LATS1: variants seen among roughly 807,000 people sequenced by gnomAD.
LATS1 encodes serine/threonine-protein kinase LATS1.
Under a neutral mutation model 106.6 loss-of-function variants are expected in LATS1, and 25 were observed. The ratio of observed to expected loss-of-function variants is 0.23; its 90% CI spans 0.17 to 0.33. LATS1 has a LOEUF of 0.33. Among genes scored for constraint, LATS1 ranks in the 10% least tolerant of loss-of-function variants. The pLI is 1.00. For missense variants in LATS1, 1,040 were observed against 1,382.6 expected (o/e 0.75, Z 3.93); for synonymous variants, 465 against 455.6 (o/e 1.02, Z -0.26).
intron 3 of LATS1, among the ~76,000 whole-genome samples, chr6:149,690,876 T>C (rs1782706542): frequency 6.6e-6 from 1 of 152,208 alleles, no homozygotes; most frequent in Non-Finnish European, 1.5e-5. Flanking sequence ...TTGTATGTTA[T>C]AAAATTATGA....
chr6:149,663,319 C>CA (rs1310248009), intron 7 of LATS1, among the ~76,000 whole-genome samples: 2 of 152,062 alleles, frequency 1.3e-5, no homozygotes, highest in African/African-American at 2.4e-5. Flanking sequence ...CCCATATCTA[C>CA]AAAAAATACA....
chr6:149,676,185 C>A (rs995477903), intron 7 of LATS1, 75 bp downstream of exon 7: 6 of 1,005,376 alleles, frequency 6.0e-6, no homozygotes, highest in Non-Finnish European at 9.5e-6. Context: ...CTAAAATGCT[C>A]TACGTACTAA....
chr6:149,698,210 G>A (rs968937186), intron 2 of LATS1, among the ~76,000 whole-genome samples: 1 of 150,892 alleles, frequency 6.6e-6, no homozygotes, highest in Non-Finnish European at 1.5e-5. Flanking sequence ...GAAAAAGAAC[G>A]CTCAAATCAG....
At chr6:149,713,638 A>G (rs1024201334) in intron 1 of LATS1, among the ~76,000 whole-genome samples, 1 of 151,618 alleles carries the variant, frequency 6.6e-6, no homozygotes, top group African/African-American at 2.4e-5. Context: ...TGATGCTCAA[A>G]ATGTTTTTTC....
chr6:149,679,416 C>T (rs1781911133), intron 5 of LATS1, among the ~76,000 whole-genome samples: 1 of 151,562 alleles, frequency 6.6e-6, no homozygotes, highest in Non-Finnish European at 1.5e-5. Flanking sequence ...GCCGGGCGTA[C>T]TGGCAGGTGC....
At chr6:149,714,284 G>A (rs1045521522) in intron 1 of LATS1, among the ~76,000 whole-genome samples, 1 of 151,858 alleles carries the variant, frequency 6.6e-6, no homozygotes, top group Non-Finnish European at 1.5e-5. Flanking sequence ...TATTATTTTT[G>A]TAAATACAGA....
chr6:149,696,468 T>C (rs1783072195), intron 2 of LATS1, among the ~76,000 whole-genome samples: 1 of 139,782 alleles, frequency 7.2e-6, no homozygotes, highest in East Asian at 2.1e-4. Flanking sequence ...TTTGGGAGGC[T>C]GAGGCAGGAG....
chr6:149,707,181 A>AATTTTTGT (rs1428772732), intron 1 of LATS1, among the ~76,000 whole-genome samples: 1 of 151,598 alleles, frequency 6.6e-6, no homozygotes, highest in African/African-American at 2.4e-5. Context: ...ACGCCAGGCT[A>AATTTTTGT]ATTTTTGTAT....
chr6:149,684,842 G>A (rs901968568), intron 3 of LATS1, among the ~76,000 whole-genome samples: 2 of 151,820 alleles, frequency 1.3e-5, no homozygotes, highest in African/African-American at 2.4e-5. Context: ...GATATGTGAG[G>A]TAATAATACA....
intron 3 of LATS1, among the ~76,000 whole-genome samples, chr6:149,689,417 T>G (rs781192137): frequency 2.8e-5 from 3 of 106,074 alleles, no homozygotes; most frequent in Non-Finnish European, 1.9e-5. Flanking sequence ...CATGCCTGTC[T>G]CAAAAAAAAA....
chr6:149,695,232 T>A lies in LATS1; in HGVS notation c.349-11A>T. 6.4e-7 allele frequency: 1 copy of A among 1,551,244 alleles called. No individual in the cohort carries two copies. Among genetic ancestry groups the A allele is most frequent in the Non-Finnish European group, 8.8e-7 (1 of 1,141,490 alleles). On this transcript the variant is annotated splice_polypyrimidine_tract_variant and intron_variant, in intron 2 of 7. Coordinates refer to ENST00000543571, the MANE Select transcript of LATS1 (RefSeq NM_004690.4). The stretch of plus-strand genomic sequence containing the variant: ...TTGTATAACCATATCCTGATATGAA[T>A]TGAAGTTTAAAAAAAAAGAAACAAA...
At position 149,701,768 on chromosome 6, in the gene LATS1, A is replaced by C; in HGVS notation, c.348+11T>G. Reference sequence around the variant, plus strand: ...AGAAGAATCCTTTCTTTTGTCTTTAAACATTCTTACCTCATCAAATCCAGC... The same window carrying C: ...AGAAGAATCCTTTCTTTTGTCTTTACACATTCTTACCTCATCAAATCCAGC... On this transcript the variant is annotated intron_variant, in intron 2 of 7. Coordinates refer to ENST00000543571, the MANE Select transcript of LATS1 (RefSeq NM_004690.4). 1.3e-6 allele frequency: 2 copies of C among 1,581,092 alleles called. No individual in the cohort carries two copies. The highest frequency in any genetic ancestry group is 1.7e-6 in the Non-Finnish European group (2 of 1,160,562).
chr6:149,714,000 T>C (rs1343809402), intron 1 of LATS1, among the ~76,000 whole-genome samples: 2 of 151,474 alleles, frequency 1.3e-5, no homozygotes, highest in Admixed American at 6.6e-5. Context: ...TTTTTTTTTG[T>C]GAGACTGTCT....
intron 3 of LATS1, among the ~76,000 whole-genome samples, chr6:149,689,185 C>A (rs1782578996): frequency 6.6e-6 from 1 of 151,446 alleles, no homozygotes; most frequent in Non-Finnish European, 1.5e-5. Flanking sequence ...AAAAAGACTG[C>A]ATAAAGGTCC....
In LATS1 at chr6:149,679,840, GAACA is replaced by G. The variant is rs771885406; in HGVS notation, c.2593+31_2593+34del. 94 of 1,395,416 alleles carry G rather than the reference GAACA, an allele frequency of 6.7e-5. 1 individual carries two copies. Among genetic ancestry groups the G allele is most frequent in the South Asian group, 1.7e-4 (12 of 71,220 alleles). 86.4% of individuals were successfully genotyped at this position (1,395,416 alleles called of 1,614,324 possible). A position where few individuals can be genotyped will look rare whatever the true frequency, so the allele number is the denominator to read the frequency against. On this transcript the variant is annotated intron_variant, in intron 5 of 7. Transcript: ENST00000543571. ...CTACATCAATAAATTACATTATTAT[GAACA>G]AACTAAAATAAATTTTATGAGTTTA...
chr6:149,696,995 A>T (rs1783129646), intron 2 of LATS1: 2 of 511,928 alleles, frequency 3.9e-6, no homozygotes, highest in Non-Finnish European at 7.2e-6. Flanking sequence ...GCTCTCTTCC[A>T]CTCCTTGTAC....
rs1352355709 is a variant in LATS1 at position 149,701,830 on chromosome 6, T to C, written c.297A>G (p.Ser99=). 5 of 1,614,198 alleles carry C rather than the reference T, an allele frequency of 3.1e-6. No homozygotes were observed. Among genetic ancestry groups the C allele is most frequent in the Non-Finnish European group, 4.2e-6 (5 of 1,180,022 alleles). ...CTTGAAGCATTTGTGGATTAACTTC[T>C]GAAGTACTCCGAGAAGAATTTGTTT... ...ANETNSSRST[S]EVNPQMLQDL... is the part of the protein sequence containing the mutation. Residue 99 remains serine (S), a synonymous_variant, in exon 2 of 8, where the codon TCA becomes TCG. Transcript: ENST00000543571.
At chr6:149,667,356 C>T (rs1287340732) in intron 7 of LATS1, among the ~76,000 whole-genome samples, 1 of 142,846 alleles carries the variant, frequency 7.0e-6, no homozygotes, top group Non-Finnish European at 1.5e-5. Context: ...ATCACTTGAA[C>T]CAGGAGCTTG....
chr6:149,662,106 C>T lies in LATS1; in HGVS notation c.3016G>A (p.Ala1006Thr). The part of the protein sequence containing the change: ...LGKNGADEIK[A>T]HPFFKTIDFS... ...TCAATTGTTTTAAAAAATGGATGAG[C>T]TTTTATTTCATCAGCACCATTCTTG... is the stretch of plus-strand genomic sequence containing the variant. Residue 1006 changes from alanine (A) to threonine (T), a missense_variant, in exon 8 of 8, where the codon GCT (alanine) becomes ACT (threonine). Physicochemically the swap from Ala to Thr is moderately conservative, Grantham distance 58. Transcript: ENST00000543571. 1 of 1,614,130 alleles carries T rather than the reference C, an allele frequency of 6.2e-7. No homozygotes were observed. Among genetic ancestry groups the T allele is most frequent in the Non-Finnish European group, 8.5e-7 (1 of 1,180,022 alleles).
Sources: gnomAD v4.1 joint callset for allele counts (sites outside exome capture counted in the v4.1 genomes callset) on GRCh38, gnomAD v4.1.1 for gene constraint, MANE v1.5 for transcripts, NCBI Gene and HGNC (gene_info 2026-07-23, HGNC 2026-07-21) for gene names.